Variants in NECTIN3 observed in about 807,000 individuals in gnomAD.
NECTIN3 encodes nectin cell adhesion molecule 3.
NECTIN3 carries 8 observed loss-of-function variants against 49.4 expected under a neutral mutation model. The observed-to-expected ratio is 0.16, with a 90% CI of 0.10 to 0.29. The LOEUF (loss-of-function observed/expected upper bound fraction) is 0.29, where lower values mean the gene tolerates loss of function less well. Among genes scored for constraint, NECTIN3 ranks in the 10% least tolerant of loss-of-function variants. The pLI, the probability that NECTIN3 is intolerant of heterozygous loss-of-function variation, is 1.00. For missense variants in NECTIN3, 581 were observed against 654.6 expected (o/e 0.89, Z 1.23); for synonymous variants, 277 against 241.1 (o/e 1.15, Z -1.38).
Position 111,133,970 on chromosome 3 carries a change from A to G in NECTIN3, c.1405A>G (p.Ser469Gly), listed in dbSNP as rs956836881. 6.2e-7 allele frequency: 1 copy of G among 1,613,330 alleles called. No individual in the cohort carries two copies. The highest frequency in any genetic ancestry group is 1.1e-5 in the South Asian group (1 of 91,038). Residue 469 changes from serine to glycine, a missense_variant, in exon 6 of 6, where the codon AGT becomes GGT. Ser to Gly is a moderately conservative substitution (Grantham distance 56). Coordinates refer to ENST00000485303, the MANE Select transcript of NECTIN3 (RefSeq NM_015480.3). ...AGATGAGCTTGATTCTTACCCAGAC[A>G]GTGTAAAAAAAGAAAACAAAAATCC... Reference protein sequence around the residue: ...QQDELDSYPDSVKKENKNPVN... With the variant: ...QQDELDSYPDGVKKENKNPVN...
intron 7 of NECTIN3, among the ~76,000 whole-genome samples, chr3:111,153,372 A>G (rs2035037095): frequency 6.6e-6 from 1 of 152,016 alleles, no homozygotes; most frequent in African/African-American, 2.4e-5. Flanking sequence ...CTAAATATCT[A>G]AAAATATTTG....
chr3:111,110,535 A>G (rs941626895), intron 1 of NECTIN3, among the ~76,000 whole-genome samples: 1 of 63,412 alleles, frequency 1.6e-5, no homozygotes, highest in Non-Finnish European at 1.1e-4. Context: ...AATAAATGAA[A>G]TTTTTTGTTG....
At chr3:111,109,607 A>G (rs1482168495) in intron 1 of NECTIN3, among the ~76,000 whole-genome samples, 1 of 151,860 alleles carries the variant, frequency 6.6e-6, no homozygotes, top group Non-Finnish European at 1.5e-5. Context: ...TTCTTGACTA[A>G]TATATTATTT....
At chr3:111,186,910 T>TA (rs1347631102) in intron 7 of NECTIN3, among the ~76,000 whole-genome samples, 1 of 152,180 alleles carries the variant, frequency 6.6e-6, no homozygotes, top group Non-Finnish European at 1.5e-5. Context: ...ATCCATCAGT[T>TA]AGAGTATTAT....
At chr3:111,137,668 G>T (rs2034628762), downstream of NECTIN3, 1 of 208,246 alleles carries the variant, frequency 4.8e-6, no homozygotes, top group South Asian at 1.7e-4. Flanking sequence ...TTATCAAAAT[G>T]TAATTAATGA....
At chr3:111,193,873 C>T (rs144879115) in intron 1 of NECTIN3, among the ~76,000 whole-genome samples, 2 of 152,284 alleles carry the variant, frequency 1.3e-5, no homozygotes, top group East Asian at 1.9e-4. Context: ...TACCTGTGTA[C>T]AAACAGAGGC....
Position 111,118,922 on chromosome 3 carries a change from A to T in NECTIN3, c.769A>T (p.Ile257Phe), listed in dbSNP as rs751987371. 6.2e-6 allele frequency: 10 copies of T among 1,613,946 alleles called. No individual in the cohort carries two copies. Among genetic ancestry groups the T allele is most frequent in the Non-Finnish European group, 8.5e-6 (10 of 1,179,946 alleles). Residue 257 changes from isoleucine (I) to phenylalanine (F), a missense_variant, in exon 3 of 6, where the codon ATC becomes TTC. Around this residue, in one of 3 missense-constraint regions of NECTIN3, gnomAD observed 234 missense variants for 340.6 expected, o/e 0.69. Transcript: ENST00000485303. The part of the protein sequence containing the change: ...VVKHPALEKD[I>F]RYSFILDIQY... ...AAAACATCCAGCCTTGGAAAAGGAC[A>T]TCCGATACTCTTTCATATTAGACAT...
chr3:111,193,244 A>G (rs754747519), intron 1 of NECTIN3: 7 of 1,532,096 alleles, frequency 4.6e-6, no homozygotes, highest in South Asian at 1.2e-5. Context: ...ATGAGAATCC[A>G]GTTGGGGAAG....
chr3:111,097,126 C>T (rs2032632705), intron 1 of NECTIN3, among the ~76,000 whole-genome samples: 1 of 152,186 alleles, frequency 6.6e-6, no homozygotes, highest in African/African-American at 2.4e-5. Context: ...CTTCCCAAGA[C>T]CATGGGAACC....
intron 4 of NECTIN3, among the ~76,000 whole-genome samples, chr3:111,123,777 C>G (rs2034049457): frequency 6.6e-6 from 1 of 152,166 alleles, no homozygotes; most frequent in South Asian, 2.1e-4. Flanking sequence ...CAACCCTTCA[C>G]CCTGAAGTAC....
rs868776455 is a variant in NECTIN3, at chr3:111,071,977, C to T, written c.-41C>T. The T allele has an allele frequency of 4.6e-6, 5 of 1,078,580 alleles. No individual in the cohort carries two copies. The highest frequency in any genetic ancestry group is 3.2e-5 in the African/African-American group (1 of 31,744). The allele number at this position is 1,078,580 out of a possible 1,614,324, so 66.8% of individuals were successfully genotyped here. A position where few individuals can be genotyped will look rare whatever the true frequency, so the allele number is the denominator to read the frequency against. ...CCTGAGGCGCCGGGGCCGGGGGAGCCGGGGGGCGGGCGGGCGAGCGGGCCG... is the reference window on the plus strand; with the variant it reads ...CCTGAGGCGCCGGGGCCGGGGGAGCTGGGGGGCGGGCGGGCGAGCGGGCCG... On this transcript the variant is annotated 5_prime_UTR_variant, in exon 1 of 6. Coordinates refer to ENST00000485303, the MANE Select transcript of NECTIN3 (RefSeq NM_015480.3).
At chr3:111,082,933 A>G (rs979430627) in intron 1 of NECTIN3, among the ~76,000 whole-genome samples, 5 of 152,200 alleles carry the variant, frequency 3.3e-5, no homozygotes, top group Admixed American at 2.6e-4. Flanking sequence ...GATCCCCCAC[A>G]TGTGCAGTTC....
chr3:111,072,494 AT>A, intron 1 of NECTIN3: 1 of 1,535,770 alleles, frequency 6.5e-7, no homozygotes, highest in South Asian at 1.2e-5. Context: ...TTCCTCGCTC[AT>A]TCTCTGGGAA....
chr3:111,163,281 T>A (rs2035252614), intron 7 of NECTIN3, among the ~76,000 whole-genome samples: 1 of 152,178 alleles, frequency 6.6e-6, no homozygotes, highest in African/African-American at 2.4e-5. Flanking sequence ...GAGGTGCATG[T>A]TCCCAGAGAG....
chr3:111,072,396 G>C (rs546508612), intron 1 of NECTIN3: 1 of 1,513,330 alleles, frequency 6.6e-7, no homozygotes, highest in African/African-American at 1.4e-5. Context: ...GCCCTCCCCC[G>C]CGGCCGCGCG....
At chr3:111,129,443 A>T (rs558950436) in intron 5 of NECTIN3, among the ~76,000 whole-genome samples, 4 of 152,218 alleles carry the variant, frequency 2.6e-5, no homozygotes, top group Non-Finnish European at 5.9e-5. Context: ...TATTTCCATT[A>T]TCTACAATGA....
Position 111,135,788 on chromosome 3 carries a change from C to G in NECTIN3, c.*1573C>G. On this transcript the variant is annotated 3_prime_UTR_variant, in exon 6 of 6. Coordinates refer to ENST00000485303, the MANE Select transcript of NECTIN3 (RefSeq NM_015480.3). ...CATGGTATCTTGCAAATAGTGAAAG[C>G]TTTATTCTGAAGGATTATAAACTAG... 1.0e-6 allele frequency: 1 copy of G among 955,950 alleles called. No individual in the cohort carries two copies. The highest frequency in any genetic ancestry group is 1.2e-6 in the Non-Finnish European group (1 of 803,458). The allele number at this position is 955,950 out of a possible 1,614,324, so 59.2% of individuals were successfully genotyped here.
chr3:111,108,268 A>T (rs1346199056), intron 1 of NECTIN3, among the ~76,000 whole-genome samples: 1 of 149,238 alleles, frequency 6.7e-6, no homozygotes, highest in East Asian at 2.0e-4. Context: ...CATTAGGGGT[A>T]ACTCCTTCTG....
chr3:111,072,381 C>A, intron 1 of NECTIN3: 1 of 1,497,150 alleles, frequency 6.7e-7, no homozygotes, highest in Non-Finnish European at 8.9e-7. Context: ...AGCCGGCGGC[C>A]CGCTGCCCTC....
Sources: allele counts gnomAD v4.1 joint callset (sites outside exome capture counted in the v4.1 genomes callset), GRCh38; gene constraint gnomAD v4.1.1; regional missense constraint gnomAD v4.1.1; transcripts MANE v1.5; gene names NCBI Gene and HGNC (gene_info 2026-07-23, HGNC 2026-07-21).